The following BPTF variants were observed in gnomAD, a reference collection of about 807,000 sequenced individuals.
The protein encoded by BPTF is nucleosome-remodeling factor subunit BPTF.
In BPTF, 18 loss-of-function variants were observed where a neutral mutation model predicts 292.5. The observed-to-expected ratio is 0.06, with a 90% CI of 0.04 to 0.09. The LOEUF (loss-of-function observed/expected upper bound fraction) is 0.09. Ranked by LOEUF, BPTF falls within the 10% of genes least tolerant of loss-of-function variation. BPTF has a pLI of 1.00. For missense variants in BPTF, 2,726 were observed against 3,498.7 expected (o/e 0.78, Z 5.57); for synonymous variants, 1,225 against 1,251.9 (o/e 0.98, Z 0.45).
intron 15 of BPTF, among the ~76,000 whole-genome samples, chr17:67,925,311 T>C (rs1163302556): frequency 2.0e-5 from 3 of 151,890 alleles, no homozygotes; most frequent in Non-Finnish European, 4.4e-5. Context: ...TCCATAAGAG[T>C]TTGTTGTAAT....
intron 5 of BPTF, 29 bp downstream of exon 5, chr17:67,892,063 C>T: frequency 1.4e-6 from 2 of 1,469,348 alleles, no homozygotes; most frequent in Non-Finnish European, 1.8e-6. Context: ...AAACAAAAAT[C>T]TGTGGAATGT....
In BPTF at chr17:67,913,136, T is replaced by C. The variant is rs1322054930; in HGVS notation, c.5252T>C (p.Leu1751Ser). ...PYFNYNAKPA[L>S]DIWPYPSPRP... ...TTTAATTACAATGCAAAACCTGCTTTGGATATATGGCCATATCCTTCTCCT... is the reference window on the plus strand; with the variant it reads ...TTTAATTACAATGCAAAACCTGCTTCGGATATATGGCCATATCCTTCTCCT... The change falls in exon 11 of 28, where the codon TTG (leucine) becomes TCG (serine). Residue 1751 changes from leucine (L) to serine (S), a missense_variant. By Grantham distance (145) the Leu-to-Ser change is moderately radical. Around this residue, in one of 22 missense-constraint regions of BPTF, gnomAD observed 36 missense variants for 34.7 expected, o/e 1.04. Transcript: ENST00000306378. 1.2e-6 allele frequency: 2 copies of C among 1,613,868 alleles called. No homozygotes were observed. The highest frequency in any genetic ancestry group is 2.7e-5 in the African/African-American group (2 of 74,890).
intron 21 of BPTF, 60 bp from the exon 22 acceptor site, chr17:67,947,666 C>G: frequency 7.9e-7 from 1 of 1,268,812 alleles, no homozygotes; most frequent in Non-Finnish European, 1.1e-6. Flanking sequence ...CTGTTGTTAT[C>G]TGTGTACTAA....
In BPTF at chr17:67,876,011, C is replaced by G. The variant is rs74996400; in HGVS notation, c.1864+991C>G. Among the ~76,000 whole-genome samples, 19 of 152,248 alleles carry G rather than the reference C, an allele frequency of 1.2e-4. No individual in the cohort carries two copies. In the East Asian group the frequency reaches 3.7e-3, roughly 29 times the overall value. On this transcript the variant is annotated intron_variant, in intron 4 of 27. Transcript: ENST00000306378. ...ATAGATTTATTTTTATATTTTATCA[C>G]CAGACCATAGTGGCAGATATTTTGG...
chr17:67,920,494 G>A (rs1464692196), intron 13 of BPTF, among the ~76,000 whole-genome samples: 2 of 152,074 alleles, frequency 1.3e-5, no homozygotes, highest in Non-Finnish European at 2.9e-5. Context: ...TATGTAAGTG[G>A]GTCAATAAAG....
chr17:67,846,308 A>G (rs901241772), intron 1 of BPTF, among the ~76,000 whole-genome samples: 7 of 152,160 alleles, frequency 4.6e-5, no homozygotes, highest in Admixed American at 3.3e-4. Flanking sequence ...TGGGCAGCAT[A>G]GAGGATACTG....
intron 7 of BPTF, among the ~76,000 whole-genome samples, chr17:67,899,367 T>G (rs1308056797): frequency 6.6e-6 from 1 of 152,142 alleles, no homozygotes; most frequent in East Asian, 1.9e-4. Flanking sequence ...CAGGGTTTGC[T>G]CATGATCTCA....
chr17:67,959,959 G>C, intron 24 of BPTF, 84 bp downstream of exon 24: 1 of 1,045,560 alleles, frequency 9.6e-7, no homozygotes, highest in Non-Finnish European at 1.4e-6. Context: ...AATATTTTGG[G>C]AGTGATATAA....
At chr17:67,833,812 C>G (rs1169786149) in intron 1 of BPTF, among the ~76,000 whole-genome samples, 1 of 152,114 alleles carries the variant, frequency 6.6e-6, no homozygotes, top group Non-Finnish European at 1.5e-5. Context: ...AAGTGATCCA[C>G]CCGCCTTGGC....
At chr17:67,961,015 CTTTAG>C (rs1555683762) in intron 24 of BPTF, among the ~76,000 whole-genome samples, 9 of 152,062 alleles carry the variant, frequency 5.9e-5, no homozygotes, top group South Asian at 2.1e-4. Flanking sequence ...TTTTTTTTTA[CTTTAG>C]TTTAATACAA....
chr17:67,908,491 CTT>C (rs34537462), intron 9 of BPTF, among the ~76,000 whole-genome samples: 6,293 of 97,564 alleles, frequency 0.065, 350 homozygotes, highest in African/African-American at 0.2. Context: ...TCACTGACCA[CTT>C]TTTTTTTTTT....
At chr17:67,928,741 G>A in intron 16 of BPTF, 140 bp downstream of exon 16, 1 of 1,171,708 alleles carries the variant, frequency 8.5e-7, no homozygotes, top group Non-Finnish European at 1.2e-6. Context: ...GTAACGGTTG[G>A]TTTGTTACAA....
chr17:67,950,015 C>T (rs1423688002), intron 23 of BPTF, among the ~76,000 whole-genome samples: 1 of 132,412 alleles, frequency 7.6e-6, no homozygotes, highest in African/African-American at 2.8e-5. Context: ...GATCGCACCA[C>T]TGCACTCCAA....
At chr17:67,921,616 G>T (rs1226884136) in intron 13 of BPTF, among the ~76,000 whole-genome samples, 1 of 152,174 alleles carries the variant, frequency 6.6e-6, no homozygotes, top group East Asian at 1.9e-4. Flanking sequence ...CTCCCCAAAT[G>T]TATACAATTA....
chr17:67,904,742 A>G lies in BPTF; in HGVS notation c.2714A>G (p.Tyr905Cys). 6.2e-7 allele frequency: 1 copy of G among 1,613,170 alleles called. No homozygotes were observed. The highest frequency in any genetic ancestry group is 1.1e-5 in the South Asian group (1 of 91,036). The change falls in exon 9 of 28, where the codon TAT becomes TGT. Residue 905 changes from tyrosine (Y) to cysteine (C), a missense_variant. Transcript: ENST00000306378. ...GGTGAAGAGTACAGAGTGACAGGAT[A>G]TGGTGGTTGGAGCTGGATTAGTAAA... ...QKGEEYRVTG[Y>C]GGWSWISKTH...
At chr17:67,859,154 TA>T (rs2058919853) in intron 2 of BPTF, among the ~76,000 whole-genome samples, 1 of 152,130 alleles carries the variant, frequency 6.6e-6, no homozygotes, top group Non-Finnish European at 1.5e-5. Flanking sequence ...TTTAATTAAT[TA>T]ATTACTTTTG....
At chr17:67,848,322 AT>A (rs1220395168) in intron 1 of BPTF, among the ~76,000 whole-genome samples, 2 of 152,130 alleles carry the variant, frequency 1.3e-5, no homozygotes, top group African/African-American at 2.4e-5. Flanking sequence ...TTGAACAAAT[AT>A]TTTTTTAGTT....
At chr17:67,906,605 C>T (rs2062217561) in intron 9 of BPTF, among the ~76,000 whole-genome samples, 2 of 152,192 alleles carry the variant, frequency 1.3e-5, no homozygotes, top group Admixed American at 1.3e-4. Context: ...TGATTCTTCT[C>T]TTACCTCACC....
intron 9 of BPTF, among the ~76,000 whole-genome samples, chr17:67,909,104 G>A (rs896870736): frequency 6.6e-6 from 1 of 151,896 alleles, no homozygotes; most frequent in African/African-American, 2.4e-5. Context: ...CAAAGTGCTG[G>A]GATTACAGGC....
Sources: allele counts gnomAD v4.1 joint callset (sites outside exome capture counted in the v4.1 genomes callset), GRCh38; gene constraint gnomAD v4.1.1; regional missense constraint gnomAD v4.1.1; transcripts MANE v1.5; gene names NCBI Gene and HGNC (gene_info 2026-07-23, HGNC 2026-07-21).